ESRP1: variants seen among roughly 807,000 people sequenced by gnomAD.
ESRP1 encodes the protein epithelial splicing regulatory protein 1.
ESRP1 carries 33 observed loss-of-function variants against 81.7 expected under a neutral mutation model. The observed-to-expected ratio is 0.40, with a 90% CI of 0.31 to 0.54. ESRP1 has a LOEUF of 0.54. Among genes scored for constraint, ESRP1 ranks in the 20% least tolerant of loss-of-function variants. The probability of loss-of-function intolerance (pLI) is 0.41; values close to 1 mark genes in which losing one functional copy is unlikely to be tolerated. For synonymous variants in ESRP1, 320 were observed against 303.3 expected, an observed-to-expected ratio of 1.06 and a Z score of -0.57; for missense variants, 672 against 833.1, an observed-to-expected ratio of 0.81 and a Z score of 2.38.
intron 9 of ESRP1, among the ~76,000 whole-genome samples, chr8:94,665,570 C>T (rs6471456): frequency 0.52 from 78,288 of 151,976 alleles, 20,415 homozygotes; most frequent in East Asian, 0.8. Flanking sequence ...CAGCTCGTTG[C>T]GACCTCTGCC....
intron 14 of ESRP1, among the ~76,000 whole-genome samples, chr8:94,695,776 C>T (rs115786959): frequency 0.02 from 3,073 of 152,112 alleles, 95 homozygotes; most frequent in African/African-American, 0.069. Context: ...CATAAAACTA[C>T]TCTAGGCCAG....
chr8:94,642,169 T>G, intron 2 of ESRP1, 85 bp downstream of exon 2: 5 of 1,484,788 alleles, frequency 3.4e-6, no homozygotes, highest in Non-Finnish European at 3.6e-6. Context: ...CCCACGCGTG[T>G]TCCCGGAGCA....
At chr8:94,703,758 T>C (rs965993917) in intron 15 of ESRP1, among the ~76,000 whole-genome samples, 5 of 152,162 alleles carry the variant, frequency 3.3e-5, no homozygotes, top group African/African-American at 1.2e-4. Context: ...CTGGCTTACG[T>C]TCATCCTAAA....
intron 11 of ESRP1, among the ~76,000 whole-genome samples, chr8:94,672,608 C>G (rs1819382665): frequency 6.6e-6 from 1 of 152,000 alleles, no homozygotes; most frequent in South Asian, 2.1e-4. Flanking sequence ...TCTCAGCTCA[C>G]TGTAATCTCT....
intron 13 of ESRP1, among the ~76,000 whole-genome samples, chr8:94,690,277 T>A (rs936513842): frequency 1.4e-4 from 3 of 21,780 alleles, no homozygotes; most frequent in Non-Finnish European, 3.7e-4. Flanking sequence ...GCCTGGCTAA[T>A]TTTTTTTTTT....
chr8:94,657,110 A>G (rs899444770), intron 4 of ESRP1, among the ~76,000 whole-genome samples: 4 of 152,206 alleles, frequency 2.6e-5, no homozygotes, highest in African/African-American at 9.6e-5. Flanking sequence ...ACATGCATAT[A>G]AAGTTTTACT....
chr8:94,673,018 A>G (rs957833703), intron 11 of ESRP1, among the ~76,000 whole-genome samples: 1 of 152,218 alleles, frequency 6.6e-6, no homozygotes, highest in Non-Finnish European at 1.5e-5. Flanking sequence ...GAAAGCCTGT[A>G]CCATTGGATA....
chr8:94,664,554 TAAGG>T, intron 6 of ESRP1, 139 bp from the exon 7 acceptor site: 1 of 639,324 alleles, frequency 1.6e-6, no homozygotes, highest in Non-Finnish European at 2.8e-6. Context: ...TTTGAGGTTA[TAAGG>T]AAAATCAAGT....
intron 13 of ESRP1, among the ~76,000 whole-genome samples, chr8:94,679,464 G>A (rs1017566467): frequency 1.3e-5 from 2 of 152,160 alleles, no homozygotes; most frequent in African/African-American, 2.4e-5. Context: ...GTCTCTGAAT[G>A]TCTGCCAGTG....
chr8:94,696,496 G>A (rs73695523), intron 14 of ESRP1, among the ~76,000 whole-genome samples: 3,090 of 152,240 alleles, frequency 0.02, 96 homozygotes, highest in African/African-American at 0.069. Context: ...ACAATCCCTT[G>A]CAAATAACTA....
intron 13 of ESRP1, among the ~76,000 whole-genome samples, chr8:94,679,218 A>C (rs1344234767): frequency 1.3e-5 from 2 of 152,232 alleles, no homozygotes; most frequent in African/African-American, 4.8e-5. Context: ...AGAAGTTTTT[A>C]AAACATTAAT....
At chr8:94,673,566 A>C (rs1819438781) in intron 11 of ESRP1, among the ~76,000 whole-genome samples, 1 of 152,232 alleles carries the variant, frequency 6.6e-6, no homozygotes, top group Non-Finnish European at 1.5e-5. Flanking sequence ...AATAAAACTA[A>C]GGCGTTCTAC....
At position 94,692,747 on chromosome 8, in the gene ESRP1, C is replaced by G. The variant is rs1462193932; in HGVS notation, c.1891C>G (p.Pro631Ala). ...TAATCTTAGCGGTGTCCCTCCACAG[C>G]CTGGCACGGTGGTCAGAATGCAGGG... ...AANLSGVPPQ[P>A]GTVVRMQGLA... is the part of the protein sequence containing the mutation. Residue 631 changes from proline to alanine, a missense_variant, in exon 14 of 16, where the codon CCT becomes GCT. Pro to Ala is a conservative substitution (Grantham distance 27, BLOSUM62 -1). Coordinates refer to ENST00000433389, the MANE Select transcript of ESRP1 (RefSeq NM_017697.4). 1 of 1,613,932 alleles carries G rather than the reference C, an allele frequency of 6.2e-7. No individual in the cohort carries two copies. The highest frequency in any genetic ancestry group is 1.7e-5 in the Admixed American group (1 of 60,002).
chr8:94,693,514 T>C (rs1809484690), intron 14 of ESRP1, among the ~76,000 whole-genome samples: 2 of 152,234 alleles, frequency 1.3e-5, no homozygotes, highest in South Asian at 4.1e-4. Context: ...GATAGCTTTC[T>C]TTCCTCAAGT....
chr8:94,671,506 T>A lies in ESRP1; in HGVS notation c.1287T>A (p.Ile429=). 1 of 1,613,892 alleles carries A rather than the reference T, an allele frequency of 6.2e-7. No homozygotes were observed. Among genetic ancestry groups the A allele is most frequent in the Non-Finnish European group, 8.5e-7 (1 of 1,179,846 alleles). Residue 429 remains isoleucine, a synonymous_variant, in exon 11 of 16, where the codon ATT becomes ATA. Coordinates refer to ENST00000433389, the MANE Select transcript of ESRP1 (RefSeq NM_017697.4). Reference sequence around the variant, plus strand: ...TCATTCCACTTCCAACCCCTCCCATTATTCCAGTACTACCTCAGCAATTTG... The same window carrying A: ...TCATTCCACTTCCAACCCCTCCCATAATTCCAGTACTACCTCAGCAATTTG... The part of the protein sequence containing the change: ...APLIPLPTPP[I]IPVLPQQFVP...
chr8:94,654,943 G>C (rs555987086), intron 4 of ESRP1, among the ~76,000 whole-genome samples: 1 of 150,594 alleles, frequency 6.6e-6, no homozygotes, highest in South Asian at 2.1e-4. Flanking sequence ...GAAAAAAAAA[G>C]TAAGCTGAGA....
At chr8:94,678,158 AG>A in intron 12 of ESRP1, 44 bp from the exon 13 acceptor site, 1 of 1,597,142 alleles carries the variant, frequency 6.3e-7, no homozygotes, top group African/African-American at 1.3e-5. Flanking sequence ...CGTGCATGTC[AG>A]CTGTTACAAA....
At chr8:94,658,859 C>A (rs1818570809) in intron 4 of ESRP1, among the ~76,000 whole-genome samples, 1 of 152,106 alleles carries the variant, frequency 6.6e-6, no homozygotes, top group Admixed American at 6.6e-5. Flanking sequence ...CCCAGGTGCA[C>A]CTTGTTTTAG....
Position 94,641,213 on chromosome 8 carries a change from C to A in ESRP1, c.-106C>A, listed in dbSNP as rs896102288. The A allele has an allele frequency of 1.8e-6, 2 of 1,134,570 alleles. No homozygotes were observed. The highest frequency in any genetic ancestry group is 2.4e-6 in the Non-Finnish European group (2 of 820,784). The allele number at this position is 1,134,570 out of a possible 1,614,324, so 70.3% of individuals were successfully genotyped here. A position where few individuals can be genotyped will look rare whatever the true frequency, so the allele number is the denominator to read the frequency against. On this transcript the variant is annotated 5_prime_UTR_variant, in exon 1 of 16. Coordinates refer to ENST00000433389, the MANE Select transcript of ESRP1 (RefSeq NM_017697.4). ...GTAGCAAGGAAGGGGGGTGGGCGCT[C>A]TTTCTTTTTCTCTTAGAAGAGGGTT...
Sources: gnomAD v4.1 joint callset for allele counts (sites outside exome capture counted in the v4.1 genomes callset) on GRCh38, gnomAD v4.1.1 for gene constraint, MANE v1.5 for transcripts, NCBI Gene and HGNC (gene_info 2026-07-23, HGNC 2026-07-21) for gene names.